HOXD3: variants seen among roughly 807,000 people sequenced by gnomAD.
The protein encoded by HOXD3 is homeobox protein Hox-D3.
In HOXD3, 13 loss-of-function variants were observed where a neutral mutation model predicts 32.8. The observed-to-expected ratio is 0.40, with a 90% CI of 0.26 to 0.63. The LOEUF (loss-of-function observed/expected upper bound fraction) is 0.63. HOXD3 is among the 20% of genes least tolerant of loss of function. The pLI is 0.44. For synonymous variants in HOXD3, 241 were observed against 246.8 expected (o/e 0.98, Z 0.22); for missense variants, 504 against 577.1 (o/e 0.87, Z 1.30).
chr2:176,153,733 A>C (rs1319842861), upstream of HOXD3, among the ~76,000 whole-genome samples: 1 of 152,204 alleles, frequency 6.6e-6, no homozygotes, highest in African/African-American at 2.4e-5. Context: ...TTCCAGAAGG[A>C]AGCAAAGGAT....
chr2:176,152,650 C>T (rs751590168), upstream of HOXD3: 5 of 1,614,030 alleles, frequency 3.1e-6, no homozygotes, highest in Non-Finnish European at 4.2e-6. This position sits in a 1 kb window ranked among gnomAD's most constrained non-coding sequence, Gnocchi z 5.2. Context: ...CGGTCCCGAA[C>T]GGCCTACACC....
chr2:176,156,190 T>G (rs1322952638), upstream of HOXD3, among the ~76,000 whole-genome samples: 3 of 152,200 alleles, frequency 2.0e-5, no homozygotes, highest in African/African-American at 4.8e-5. Flanking sequence ...CACCATTTTT[T>G]GGGGGGTGCC....
At chr2:176,153,218 T>A (rs894183578), upstream of HOXD3, 2 of 477,176 alleles carry the variant, frequency 4.2e-6, no homozygotes, top group South Asian at 5.6e-5. Context: ...ATTAAACTTA[T>A]GAAAATCACC....
upstream of HOXD3, among the ~76,000 whole-genome samples, chr2:176,156,368 G>A (rs1043275654): frequency 6.6e-6 from 1 of 152,188 alleles, no homozygotes; most frequent in Non-Finnish European, 1.5e-5. Flanking sequence ...AAAAGTAATT[G>A]CCCAGGTTAA....
chr2:176,152,938 TA>T (rs1156243639), upstream of HOXD3: 1 of 1,613,836 alleles, frequency 6.2e-7, no homozygotes, highest in Non-Finnish European at 8.5e-7. This position sits in a 1 kb window ranked among gnomAD's most constrained non-coding sequence, Gnocchi z 5.2. Flanking sequence ...CTGACGACCT[TA>T]TAGAAGTGGG....
At chr2:176,162,811 A>G (rs1261053923) in intron 1 of HOXD3, among the ~76,000 whole-genome samples, 1 of 152,170 alleles carries the variant, frequency 6.6e-6, no homozygotes, top group East Asian at 1.9e-4. Flanking sequence ...TGACCTCCCA[A>G]CTTAGCTCTT....
At chr2:176,160,614 T>C (rs1437762877) in intron 1 of HOXD3, among the ~76,000 whole-genome samples, 1 of 152,198 alleles carries the variant, frequency 6.6e-6, no homozygotes, top group African/African-American at 2.4e-5. Context: ...CGTGAACAAA[T>C]ATGCTTGCAT....
At chr2:176,157,579 T>C (rs979680463) in intron 1 of HOXD3, among the ~76,000 whole-genome samples, 127 bp downstream of exon 1, 8 of 152,190 alleles carry the variant, frequency 5.3e-5, no homozygotes, top group Non-Finnish European at 1.2e-4. Flanking sequence ...AAGTTGTTAG[T>C]GGCTTGGATG....
upstream of HOXD3, chr2:176,153,123 G>T (rs1423639103): frequency 5.3e-5 from 19 of 355,840 alleles, no homozygotes; most frequent in East Asian, 2.3e-4. Flanking sequence ...CCTAGAGCGG[G>T]ATGGGGATGG....
upstream of HOXD3, among the ~76,000 whole-genome samples, chr2:176,156,714 A>G (rs1690652240): frequency 6.6e-6 from 1 of 152,198 alleles, no homozygotes; most frequent in South Asian, 2.1e-4. Flanking sequence ...GCCCTGCACT[A>G]CATTTACCGC....
At chr2:176,167,820 A>G (rs1691027078) in intron 2 of HOXD3, among the ~76,000 whole-genome samples, 1 of 151,438 alleles carries the variant, frequency 6.6e-6, no homozygotes, top group South Asian at 2.1e-4. Context: ...TCACCTATTC[A>G]ACAAGCATTT....
At chr2:176,167,675 G>T (rs1029758512) in intron 2 of HOXD3, among the ~76,000 whole-genome samples, 6 of 141,658 alleles carry the variant, frequency 4.2e-5, no homozygotes, top group East Asian at 2.1e-4. Flanking sequence ...GAAACCAGGT[G>T]GGGGGAGACC....
upstream of HOXD3, among the ~76,000 whole-genome samples, chr2:176,155,745 C>A (rs1218272834): frequency 6.6e-6 from 1 of 152,144 alleles, no homozygotes; most frequent in African/African-American, 2.4e-5. Context: ...CCAGTTTGTT[C>A]CTTTAAATAT....
intron 1 of HOXD3, among the ~76,000 whole-genome samples, chr2:176,160,429 C>G (rs1179062985): frequency 6.6e-6 from 1 of 152,208 alleles, no homozygotes; most frequent in Non-Finnish European, 1.5e-5. Flanking sequence ...CGGCCCGGAG[C>G]TGCGAAAATG....
chr2:176,160,226 C>G (rs1690756713), intron 1 of HOXD3, among the ~76,000 whole-genome samples: 1 of 152,152 alleles, frequency 6.6e-6, no homozygotes, highest in Non-Finnish European at 1.5e-5. Flanking sequence ...CTCCGCGGGC[C>G]CGGGAAGCTA....
rs937126900 is a variant in HOXD3, at chr2:176,171,919, A to G, written c.944A>G (p.Tyr315Cys). The G allele has an allele frequency of 7.5e-6, 12 of 1,609,806 alleles. No homozygotes were observed. The African/African-American group carries it at 1.3e-4, about 18-fold the overall frequency. ...CCCAATATGTACGGCCTGGCCGCCT[A>G]CACGGCGCCACTCAGCAGCTGCCTG... ...SQPNMYGLAA[Y>C]TAPLSSCLPQ... The change falls in exon 4 of 4, where the codon TAC becomes TGC. Residue 315 changes from tyrosine (Y) to cysteine (C), a missense_variant. Physicochemically the swap from Tyr to Cys is radical, Grantham distance 194. Coordinates refer to ENST00000683222, the MANE Select transcript of HOXD3 (RefSeq NM_006898.5).
In HOXD3 at chr2:176,171,530, G is replaced by A. The variant is rs1198677232; in HGVS notation, c.555G>A (p.Glu185=). Residue 185 remains glutamate, a synonymous_variant, in exon 4 of 4, where the codon GAG becomes GAA. Transcript: ENST00000683222. ...CTCCCTGCCCAGGAGAGAGCTGCGA[G>A]GACAAGAGCCCGCCAGGCCCAGCAT... The part of the protein sequence containing the change: ...NSCATAGESC[E]DKSPPGPASK... 6.3e-7 allele frequency: 1 copy of A among 1,588,544 alleles called. No homozygotes were observed. The highest frequency in any genetic ancestry group is 1.3e-5 in the African/African-American group (1 of 74,732).
intron 1 of HOXD3, among the ~76,000 whole-genome samples, chr2:176,160,286 T>C (rs1378574225): frequency 6.6e-6 from 1 of 152,184 alleles, no homozygotes; most frequent in Non-Finnish European, 1.5e-5. Flanking sequence ...GAGACGCTTC[T>C]AAGAGAGGCA....
upstream of HOXD3, among the ~76,000 whole-genome samples, chr2:176,154,955 G>A (rs144359697): frequency 2.3e-3 from 347 of 152,296 alleles, 1 homozygote; most frequent in African/African-American, 7.9e-3. Context: ...ACCGAAGTTC[G>A]GGTAAATTAC....
Sources: gnomAD v4.1 joint callset for allele counts (sites outside exome capture counted in the v4.1 genomes callset) on GRCh38, gnomAD v4.1.1 for gene constraint, Gnocchi (gnomAD v3.1) non-coding constraint, MANE v1.5 for transcripts, NCBI Gene and HGNC (gene_info 2026-07-23, HGNC 2026-07-21) for gene names.